The following ELAPOR2 variants were observed in gnomAD, a reference collection of about 807,000 sequenced individuals.
ELAPOR2 encodes endosome-lysosome associated apoptosis and autophagy regulator family member 2, also known as endosome/lysosome-associated apoptosis and autophagy regulator family member 2.
ELAPOR2 carries 89 observed loss-of-function variants against 120.7 expected under a neutral mutation model. The observed-to-expected ratio is 0.74, with a 90% confidence interval of 0.62 to 0.88. The LOEUF (loss-of-function observed/expected upper bound fraction) is 0.88, where lower values mean the gene tolerates loss of function less well. Among genes scored for constraint, ELAPOR2 ranks in the 40% least tolerant of loss-of-function variants. The probability of loss-of-function intolerance (pLI) is 0.00; values close to 1 mark genes in which losing one functional copy is unlikely to be tolerated. For missense variants in ELAPOR2, 1,134 were observed against 1,251.6 expected (o/e 0.91, Z 1.42); for synonymous variants, 444 against 444.9 (o/e 1.00, Z 0.03).
intron 2 of ELAPOR2, among the ~76,000 whole-genome samples, chr7:86,953,869 C>T (rs1431798737): frequency 6.6e-6 from 1 of 152,124 alleles, no homozygotes; most frequent in Non-Finnish European, 1.5e-5. Context: ...TACCTAAGCA[C>T]CCAGTGAAAG....
rs1474900131 is a variant in ELAPOR2 at position 86,935,667 on chromosome 7, T to C, written c.1089+2459A>G. Among the ~76,000 whole-genome samples, 3 of 152,004 alleles carry C rather than the reference T, an allele frequency of 2.0e-5. No homozygotes were observed. The East Asian group carries it at 5.8e-4, about 30-fold the overall frequency. On this transcript the variant is annotated intron_variant, in intron 8 of 21. Transcript: ENST00000450689. ...AGATTAGAAAATCTGGGACAGGGCC[T>C]TCCAGGTGAGACTGATGAACACTAA... is the stretch of plus-strand genomic sequence containing the variant.
At chr7:87,007,494 G>A (rs1028161308) in intron 1 of ELAPOR2, among the ~76,000 whole-genome samples, 1 of 152,142 alleles carries the variant, frequency 6.6e-6, no homozygotes, top group African/African-American at 2.4e-5. Context: ...AGGTAGATAT[G>A]CACACGTTTA....
chr7:86,898,305 A>C (rs1788541972), intron 18 of ELAPOR2, among the ~76,000 whole-genome samples: 1 of 152,154 alleles, frequency 6.6e-6, no homozygotes, highest in South Asian at 2.1e-4. Context: ...AAATCTATAG[A>C]GACTGAAAGT....
chr7:86,992,540 C>A lies in ELAPOR2; in HGVS notation c.190-27516G>T, dbSNP rs535208763. 7.2e-5 allele frequency among the ~76,000 whole-genome samples: 11 copies of A among 152,256 alleles called. No homozygotes were observed. In the East Asian group the frequency reaches 9.6e-4, roughly 13 times the overall value. On this transcript the variant is annotated intron_variant, in intron 1 of 21. Coordinates refer to ENST00000450689, the MANE Select transcript of ELAPOR2 (RefSeq NM_001142749.3). ...AAACTGAGTTTTCCAAGATATAATT[C>A]TAGAATCTTCAGTCGAGATCAAATC...
At chr7:87,042,817 C>T (rs530321218) in intron 1 of ELAPOR2, among the ~76,000 whole-genome samples, 1 of 152,082 alleles carries the variant, frequency 6.6e-6, no homozygotes, top group African/African-American at 2.4e-5. Context: ...TTAATGAATC[C>T]AGGAGCTGGT....
At chr7:87,051,686 A>T (rs1174207918) in intron 1 of ELAPOR2, among the ~76,000 whole-genome samples, 2 of 152,210 alleles carry the variant, frequency 1.3e-5, no homozygotes, top group Non-Finnish European at 2.9e-5. Context: ...TACCTTCAAT[A>T]CTGCTTGTAC....
intron 1 of ELAPOR2, among the ~76,000 whole-genome samples, chr7:87,012,639 A>G (rs974060721): frequency 1.3e-5 from 2 of 152,082 alleles, no homozygotes; most frequent in African/African-American, 4.8e-5. Context: ...TTTGTTCAGT[A>G]CTCTGTTCGG....
rs1791882206 is a variant in ELAPOR2 at position 86,965,806 on chromosome 7, T to C, written c.190-782A>G. 4.1e-6 allele frequency: 4 copies of C among 985,312 alleles called. No homozygotes were observed. In the South Asian group the frequency reaches 1.9e-4, roughly 46 times the overall value. 61.0% of individuals were successfully genotyped at this position (985,312 alleles called of 1,614,324 possible). On this transcript the variant is annotated intron_variant, in intron 1 of 21. Coordinates refer to ENST00000450689, the MANE Select transcript of ELAPOR2 (RefSeq NM_001142749.3). ...CTACCCCAAATTGTTTTCAGTTCAA[T>C]ACCTTACTTATTCAGTTCAAAATCC...
chr7:87,023,252 G>C (rs1794122890), intron 1 of ELAPOR2, among the ~76,000 whole-genome samples: 1 of 152,176 alleles, frequency 6.6e-6, no homozygotes, highest in Non-Finnish European at 1.5e-5. Context: ...TAAGGTGTAA[G>C]GAAAGGATCC....
chr7:86,950,428 AGTCAAGGCT>A (rs893075272), intron 2 of ELAPOR2, among the ~76,000 whole-genome samples: 2 of 152,116 alleles, frequency 1.3e-5, no homozygotes, highest in African/African-American at 2.4e-5. Flanking sequence ...AAGCTCCCCA[AGTCAAGGCT>A]GTAACAGCCT....
intron 1 of ELAPOR2, among the ~76,000 whole-genome samples, chr7:87,037,092 T>C (rs1481403011): frequency 2.6e-5 from 4 of 152,064 alleles, no homozygotes; most frequent in Non-Finnish European, 4.4e-5. Context: ...CCTCAAATGC[T>C]TCTCACTCTG....
intron 1 of ELAPOR2, among the ~76,000 whole-genome samples, chr7:87,032,496 A>G (rs1007807461): frequency 1.3e-5 from 2 of 152,182 alleles, no homozygotes; most frequent in African/African-American, 4.8e-5. Context: ...TAGTTTTCCA[A>G]CAACAGAAAA....
In ELAPOR2 at chr7:86,991,637, T is replaced by G. The variant is rs116307273; in HGVS notation, c.190-26613A>C. 8.1e-3 allele frequency among the ~76,000 whole-genome samples: 1,238 copies of G among 152,284 alleles called. 18 individuals are homozygous for G. Among genetic ancestry groups the G allele is most frequent in the African/African-American group, 0.029 (1,191 of 41,556 alleles). On this transcript the variant is annotated intron_variant, in intron 1 of 21. Coordinates refer to ENST00000450689, the MANE Select transcript of ELAPOR2 (RefSeq NM_001142749.3). ...GCAGTCACTGGAATAAGCCAGGCAG[T>G]TCAGAGCCAGTTTGTTCAAGCAAGA... is the stretch of plus-strand genomic sequence containing the variant.
intron 2 of ELAPOR2, among the ~76,000 whole-genome samples, chr7:86,963,175 G>A (rs1791782228): frequency 6.6e-6 from 1 of 152,114 alleles, no homozygotes; most frequent in Non-Finnish European, 1.5e-5. Flanking sequence ...CACTTTTAAG[G>A]CAAGTAATAA....
intron 1 of ELAPOR2, among the ~76,000 whole-genome samples, chr7:86,976,806 G>A (rs528497506): frequency 1.3e-5 from 2 of 152,230 alleles, no homozygotes; most frequent in Admixed American, 6.5e-5. Flanking sequence ...AGGAAAATCC[G>A]ACTAATGCTC....
At chr7:86,977,633 C>T (rs1792324713) in intron 1 of ELAPOR2, among the ~76,000 whole-genome samples, 1 of 152,212 alleles carries the variant, frequency 6.6e-6, no homozygotes, top group Non-Finnish European at 1.5e-5. Flanking sequence ...TTACTTTCTA[C>T]CACGTCTTCT....
At chr7:86,881,029 G>A (rs1799373989) in intron 21 of ELAPOR2, among the ~76,000 whole-genome samples, 1 of 152,046 alleles carries the variant, frequency 6.6e-6, no homozygotes, top group Non-Finnish European at 1.5e-5. Context: ...AATCTTTTAG[G>A]TATATGCCTA....
chr7:86,996,699 G>A (rs1439262951), intron 1 of ELAPOR2, among the ~76,000 whole-genome samples: 1 of 152,182 alleles, frequency 6.6e-6, no homozygotes, highest in East Asian at 1.9e-4. Flanking sequence ...ACACCACTTA[G>A]GGGGTTGAAA....
chr7:86,930,152 C>A (rs1008237311), intron 8 of ELAPOR2, among the ~76,000 whole-genome samples: 9 of 151,828 alleles, frequency 5.9e-5, no homozygotes, highest in Admixed American at 1.3e-4. Context: ...CAGTTCAGGG[C>A]TTTAATCAAG....
Sources: gnomAD v4.1 joint callset for allele counts (sites outside exome capture counted in the v4.1 genomes callset) on GRCh38, gnomAD v4.1.1 for gene constraint, MANE v1.5 for transcripts, NCBI Gene and HGNC (gene_info 2026-07-23, HGNC 2026-07-21) for gene names.